Variants in FGF14 observed in about 807,000 individuals in gnomAD.
FGF14 encodes the protein fibroblast growth factor homologous factor 4.
Under a neutral mutation model 25.5 loss-of-function variants are expected in FGF14, and 5 were observed. The ratio of observed to expected loss-of-function variants is 0.20; its 90% confidence interval spans 0.10 to 0.41. The LOEUF (loss-of-function observed/expected upper bound fraction) is 0.41. FGF14 is among the 10% of genes least tolerant of loss of function. The pLI is 1.00. For missense variants in FGF14, 222 were observed against 320.1 expected (o/e 0.69, Z 2.34); for synonymous variants, 138 against 118.3 (o/e 1.17, Z -1.08).
intron 1 of FGF14, among the ~76,000 whole-genome samples, chr13:101,984,351 T>C (rs183712861): frequency 1.3e-5 from 2 of 152,308 alleles, no homozygotes; most frequent in African/African-American, 4.8e-5. Context: ...CAACCATCAA[T>C]TGTAACCACG....
At chr13:102,348,684 G>T (rs552635096) in intron 1 of FGF14, among the ~76,000 whole-genome samples, 27 of 152,280 alleles carry the variant, frequency 1.8e-4, no homozygotes, top group African/African-American at 6.5e-4. Context: ...ACCACAGTTT[G>T]AAATATAAAA....
chr13:102,151,209 T>C lies in FGF14; in HGVS notation c.208+250262A>G, dbSNP rs371662974. On this transcript the variant is annotated intron_variant, in intron 1 of 4. Transcript: ENST00000376131. ...GGGGCTAACTTATTTTAAGTTCTTTTATTCTTTTATACCATAATGAGGTAT... is the reference window on the plus strand; with the variant it reads ...GGGGCTAACTTATTTTAAGTTCTTTCATTCTTTTATACCATAATGAGGTAT... Among the ~76,000 whole-genome samples the C allele has an allele frequency of 2.6e-5, 4 of 152,288 alleles. No homozygotes were observed. The East Asian group carries it at 7.7e-4, about 29-fold the overall frequency.
At chr13:102,283,270 A>T (rs2053936515) in intron 1 of FGF14, among the ~76,000 whole-genome samples, 1 of 152,218 alleles carries the variant, frequency 6.6e-6, no homozygotes. Flanking sequence ...ACTAGCTACA[A>T]GGGAGGCTGG....
Position 101,875,295 on chromosome 13 carries a change from A to C in FGF14, c.195T>G (p.Asp65Glu). ...GLKKRRLRRQDPQLKGIVTRL... is the reference protein window; with the variant it reads ...GLKKRRLRRQEPQLKGIVTRL... Reference sequence around the variant, plus strand: ...TGGTCACTATACCCTTGAGCTGGGGATCTGAAAGGCAAACATAGTTATCAT... The same window carrying C: ...TGGTCACTATACCCTTGAGCTGGGGCTCTGAAAGGCAAACATAGTTATCAT... Residue 65 changes from aspartate (D) to glutamate (E), a missense_variant and splice_region_variant, in exon 2 of 5, where the codon GAT (aspartate) becomes GAG (glutamate). Physicochemically the swap from Asp to Glu is conservative, Grantham distance 45 (BLOSUM62 2). Transcript: ENST00000376143. 6.2e-7 allele frequency: 1 copy of C among 1,606,428 alleles called. No individual in the cohort carries two copies.
chr13:102,173,122 C>T (rs1270627135), intron 1 of FGF14, among the ~76,000 whole-genome samples: 1 of 152,076 alleles, frequency 6.6e-6, no homozygotes, highest in Admixed American at 6.6e-5. Context: ...ATATTAACAA[C>T]TTCTACAATT....
intron 1 of FGF14, among the ~76,000 whole-genome samples, chr13:102,288,784 C>T (rs143882242): frequency 7.2e-4 from 110 of 152,128 alleles, no homozygotes; most frequent in Non-Finnish European, 1.3e-3. Flanking sequence ...GGGGTTTCAC[C>T]ATGTTGGCCA....
chr13:102,170,210 A>G (rs2140669731), intron 1 of FGF14, among the ~76,000 whole-genome samples: 1 of 150,752 alleles, frequency 6.6e-6, no homozygotes, highest in South Asian at 2.2e-4. Context: ...AGAGGAGGTA[A>G]GGGTATTTAG....
At chr13:102,155,425 C>T (rs1163291322) in intron 1 of FGF14, among the ~76,000 whole-genome samples, 3 of 152,086 alleles carry the variant, frequency 2.0e-5, no homozygotes, top group African/African-American at 7.2e-5. Context: ...GGGTACATAA[C>T]GAAATGAAGG....
intron 1 of FGF14, among the ~76,000 whole-genome samples, chr13:102,157,124 C>T (rs1285347022): frequency 6.6e-6 from 1 of 152,254 alleles, no homozygotes; most frequent in Admixed American, 6.5e-5. Context: ...ATCAAGCTAC[C>T]AATGACTTTC....
At chr13:102,239,080 AAAAAAAC>A (rs901585115) in intron 1 of FGF14, among the ~76,000 whole-genome samples, 10 of 151,580 alleles carry the variant, frequency 6.6e-5, no homozygotes, top group East Asian at 5.8e-4. Flanking sequence ...CGCTGGTTAA[AAAAAAAC>A]AAAAAACAAA....
At chr13:101,983,373 CT>C (rs1209025584) in intron 1 of FGF14, among the ~76,000 whole-genome samples, 17 of 152,236 alleles carry the variant, frequency 1.1e-4, no homozygotes, top group Admixed American at 4.6e-4. Flanking sequence ...TATTAAAATA[CT>C]TCCAACACTG....
At chr13:102,257,342 CTTTT>C (rs71125058) in intron 1 of FGF14, among the ~76,000 whole-genome samples, 3 of 32,574 alleles carry the variant, frequency 9.2e-5, no homozygotes, top group South Asian at 1.4e-3. Context: ...CCTTTCTTTT[CTTTT>C]TTTTTTTTTT....
intron 1 of FGF14, among the ~76,000 whole-genome samples, chr13:102,128,503 C>T (rs1286108637): frequency 6.6e-6 from 1 of 152,186 alleles, no homozygotes; most frequent in Non-Finnish European, 1.5e-5. Context: ...GAAGTTTAAA[C>T]TTGTTCTAGC....
Position 102,020,923 on chromosome 13 carries a change from A to T in FGF14, c.209-145627T>A, listed in dbSNP as rs199915992. On this transcript the variant is annotated intron_variant, in intron 1 of 4. Transcript: ENST00000376131. ...ATAAGATGTCGATGAACACAGAGAT[A>T]AAAAAAAAAAGGCTGAAGAATGGCC... Among the ~76,000 whole-genome samples, 187 of 60,516 alleles carry T rather than the reference A, an allele frequency of 3.1e-3. 1 individual carries two copies. The East Asian group carries it at 0.092, about 30-fold the overall frequency. The allele number at this position is 60,516 out of a possible 152,430, so 39.7% of individuals were successfully genotyped here. A position where few individuals can be genotyped will look rare whatever the true frequency, so the allele number is the denominator to read the frequency against.
intron 1 of FGF14, among the ~76,000 whole-genome samples, chr13:101,968,465 A>C (rs1045481816): frequency 2.6e-5 from 4 of 151,962 alleles, no homozygotes; most frequent in Non-Finnish European, 5.9e-5. Flanking sequence ...TGAGGTCAGG[A>C]GATCGAGACC....
At chr13:101,929,540 T>C (rs1307048489) in intron 1 of FGF14, among the ~76,000 whole-genome samples, 1 of 152,176 alleles carries the variant, frequency 6.6e-6, no homozygotes, top group African/African-American at 2.4e-5. Flanking sequence ...TTAAATAATA[T>C]TCATGAAGAG....
chr13:101,858,865 TGGTGGCAAC>T (rs2044263673), intron 3 of FGF14, among the ~76,000 whole-genome samples: 2 of 152,068 alleles, frequency 1.3e-5, no homozygotes, highest in Non-Finnish European at 2.9e-5. Flanking sequence ...CAAGTTTAAG[TGGTGGCAAC>T]ATTTACTAAA....
At chr13:101,928,032 A>G (rs2034489532) in intron 1 of FGF14, among the ~76,000 whole-genome samples, 1 of 152,200 alleles carries the variant, frequency 6.6e-6, no homozygotes, top group Admixed American at 6.5e-5. Flanking sequence ...TCTAAAAAAA[A>G]TAGTCCCTCT....
intron 3 of FGF14, among the ~76,000 whole-genome samples, chr13:101,863,258 T>C (rs2044518696): frequency 6.6e-6 from 1 of 152,156 alleles, no homozygotes; most frequent in Non-Finnish European, 1.5e-5. Flanking sequence ...GGGGCACCTG[T>C]GTGTAACTAG....
Sources: gnomAD v4.1 joint callset for allele counts (sites outside exome capture counted in the v4.1 genomes callset) on GRCh38, gnomAD v4.1.1 for gene constraint, MANE v1.5 for transcripts, NCBI Gene and HGNC (gene_info 2026-07-23, HGNC 2026-07-21) for gene names.